The following ASAP1 variants were observed in gnomAD, a reference collection of about 807,000 sequenced individuals.
ASAP1 encodes arf-GAP with SH3 domain, ANK repeat and PH domain-containing protein 1.
A neutral mutation model predicts 145.2 loss-of-function variants in ASAP1; 43 were observed. That is an observed-to-expected ratio of 0.30 (90% CI 0.23 to 0.38). The LOEUF (loss-of-function observed/expected upper bound fraction) is 0.38. ASAP1 is among the 10% of genes least tolerant of loss of function. ASAP1 has a pLI of 1.00. For synonymous variants in ASAP1, 546 were observed against 515.5 expected (o/e 1.06, Z -0.80); for missense variants, 1,018 against 1,355.3 (o/e 0.75, Z 3.91).
chr8:130,060,191 G>T (rs2097415692), intron 28 of ASAP1, among the ~76,000 whole-genome samples: 1 of 151,768 alleles, frequency 6.6e-6, no homozygotes, highest in Non-Finnish European at 1.5e-5. Flanking sequence ...CATCCTCAAG[G>T]TTCCTAGGTA....
intron 27 of ASAP1, among the ~76,000 whole-genome samples, chr8:130,072,825 G>GTGTGCGTGTGCGCGCGCGCGCGCC: frequency 1.8e-5 from 1 of 54,116 alleles, no homozygotes; most frequent in Non-Finnish European, 3.6e-5. Context: ...GTGTGTGTGT[G>GTGTGCGTGTGCGCGCGCGCGCGCC]CGCGCGGGGG....
At chr8:130,265,630 T>G (rs1820196279) in intron 3 of ASAP1, among the ~76,000 whole-genome samples, 1 of 149,950 alleles carries the variant, frequency 6.7e-6, no homozygotes, top group Non-Finnish European at 1.5e-5. Context: ...ATCCCAGCAC[T>G]TTGGAAGATT....
intron 17 of ASAP1, among the ~76,000 whole-genome samples, chr8:130,125,654 G>C (rs1447941594): frequency 2.0e-5 from 3 of 152,026 alleles, no homozygotes; most frequent in Non-Finnish European, 4.4e-5. Context: ...CTATTTCCAC[G>C]AGTTATATGA....
At chr8:130,130,487 C>T (rs886375285) in intron 15 of ASAP1, among the ~76,000 whole-genome samples, 2 of 152,084 alleles carry the variant, frequency 1.3e-5, no homozygotes, top group African/African-American at 2.4e-5. Flanking sequence ...AATGAAATGG[C>T]TAAATTTCAA....
At chr8:130,265,054 G>T (rs1820160313) in intron 3 of ASAP1, among the ~76,000 whole-genome samples, 1 of 152,180 alleles carries the variant, frequency 6.6e-6, no homozygotes, top group Non-Finnish European at 1.5e-5. Flanking sequence ...AGAATATTGT[G>T]AACTGAGCCA....
intron 4 of ASAP1, among the ~76,000 whole-genome samples, chr8:130,227,966 ATCAAAAGGGGCAGG>A (rs1289666723): frequency 1.3e-5 from 2 of 152,178 alleles, no homozygotes; most frequent in Non-Finnish European, 2.9e-5. Context: ...CACATGTGAG[ATCAAAAGGGGCAGG>A]TCTCTTTGGA....
chr8:130,169,940 C>A (rs944620079), intron 9 of ASAP1, among the ~76,000 whole-genome samples: 10 of 152,192 alleles, frequency 6.6e-5, no homozygotes, highest in Admixed American at 5.2e-4. Context: ...CACTCAGGAA[C>A]CCAGTCTCTG....
intron 2 of ASAP1, among the ~76,000 whole-genome samples, chr8:130,362,359 G>A (rs553769599): frequency 2.0e-5 from 3 of 152,224 alleles, no homozygotes; most frequent in African/African-American, 7.2e-5. Context: ...ATGGAATGAC[G>A]ACAATGGCTA....
At chr8:130,139,873 T>C (rs1268871238) in intron 13 of ASAP1, among the ~76,000 whole-genome samples, 1 of 151,244 alleles carries the variant, frequency 6.6e-6, no homozygotes, top group Non-Finnish European at 1.5e-5. Context: ...TTCTCCGGTG[T>C]TTCTGAACAA....
chr8:130,126,164 A>G, intron 16 of ASAP1, 75 bp from the exon 17 acceptor site: 2 of 1,355,826 alleles, frequency 1.5e-6, no homozygotes, highest in East Asian at 2.4e-5. Flanking sequence ...GAGGAAGCTA[A>G]AACAGTAGTA....
At chr8:130,299,870 T>C (rs1822516357) in intron 3 of ASAP1, among the ~76,000 whole-genome samples, 1 of 151,948 alleles carries the variant, frequency 6.6e-6, no homozygotes, top group African/African-American at 2.4e-5. Context: ...ATGAAAAACA[T>C]CAAGATAAAA....
chr8:130,089,961 T>A (rs2097502110), intron 25 of ASAP1, among the ~76,000 whole-genome samples: 1 of 152,222 alleles, frequency 6.6e-6, no homozygotes. Flanking sequence ...CAAGGCTGGT[T>A]GTAGGTGAGA....
chr8:130,097,157 A>AAAAAAAAAAAC (rs2097519942), intron 24 of ASAP1, among the ~76,000 whole-genome samples: 1 of 139,016 alleles, frequency 7.2e-6, no homozygotes, highest in Non-Finnish European at 1.6e-5. Flanking sequence ...AAAAAAAAAA[A>AAAAAAAAAAAC]AAAAGTCCTT....
intron 3 of ASAP1, among the ~76,000 whole-genome samples, chr8:130,322,073 C>G (rs532002488): frequency 6.6e-6 from 1 of 152,290 alleles, no homozygotes; most frequent in Non-Finnish European, 1.5e-5. Flanking sequence ...TGTGCTGCCA[C>G]GGTTCTTCAT....
Position 130,358,844 on chromosome 8 carries a change from G to C in ASAP1, c.60-701C>G, listed in dbSNP as rs1287873935. ...CGCGGCACGGGGGCTCCGGAAGCCC[G>C]AGTCCCTGGTTCGCCCCCGGAGCGG... On this transcript the variant is annotated intron_variant, in intron 2 of 29. Coordinates refer to ENST00000518721, the MANE Select transcript of ASAP1 (RefSeq NM_018482.4). The surrounding 1 kb of genome is among the most constrained non-coding windows in gnomAD (Gnocchi z 4.1). Among the ~76,000 whole-genome samples, 1 of 151,490 alleles carries C rather than the reference G, an allele frequency of 6.6e-6. No individual in the cohort carries two copies. The highest frequency in any genetic ancestry group is 1.5e-5 in the Non-Finnish European group (1 of 67,836).
At chr8:130,359,945 C>CTGA (rs1826630948) in intron 2 of ASAP1, among the ~76,000 whole-genome samples, 1 of 152,252 alleles carries the variant, frequency 6.6e-6, no homozygotes, top group Admixed American at 6.5e-5. Flanking sequence ...TTAAGCCTCA[C>CTGA]ATCCGTTCTC....
chr8:130,107,962 G>C lies in ASAP1; in HGVS notation c.2401+4132C>G, dbSNP rs186052525. 1.4e-4 allele frequency among the ~76,000 whole-genome samples: 21 copies of C among 152,350 alleles called. 1 individual carries two copies. In the East Asian group the frequency reaches 3.3e-3, roughly 24 times the overall value. On this transcript the variant is annotated intron_variant, in intron 24 of 29. Transcript: ENST00000518721. ...TGTCTAGGCAGCCATGGTCTGGCTTGACACAGACTGATCTGCCTTAGTTTG... is the reference window on the plus strand; with the variant it reads ...TGTCTAGGCAGCCATGGTCTGGCTTCACACAGACTGATCTGCCTTAGTTTG...
At chr8:130,232,899 T>G (rs943449742) in intron 4 of ASAP1, among the ~76,000 whole-genome samples, 6 of 152,234 alleles carry the variant, frequency 3.9e-5, no homozygotes, top group Non-Finnish European at 5.9e-5. Context: ...ATAGCAGGGT[T>G]CAGCTTCTTG....
intron 3 of ASAP1, among the ~76,000 whole-genome samples, chr8:130,325,724 TAA>T (rs1156771282): frequency 6.6e-6 from 1 of 152,224 alleles, no homozygotes; most frequent in East Asian, 1.9e-4. Flanking sequence ...GCCAAGTGAC[TAA>T]GTTAGGGCAG....
Sources: allele counts gnomAD v4.1 joint callset (sites outside exome capture counted in the v4.1 genomes callset), GRCh38; gene constraint gnomAD v4.1.1; non-coding constraint Gnocchi (gnomAD v3.1); transcripts MANE v1.5; gene names NCBI Gene and HGNC (gene_info 2026-07-23, HGNC 2026-07-21).